The following DLG2 variants were observed in gnomAD, a reference collection of about 807,000 sequenced individuals.
DLG2 encodes the protein discs large MAGUK scaffold protein 2.
DLG2 carries 45 observed loss-of-function variants against 132.5 expected under a neutral mutation model. That is an observed-to-expected ratio of 0.34 (90% CI 0.27 to 0.44). DLG2 has a LOEUF of 0.44. Among genes scored for constraint, DLG2 ranks in the 20% least tolerant of loss-of-function variants. The pLI is 1.00. For synonymous variants in DLG2, 424 were observed against 419.6 expected (o/e 1.01, Z -0.13); for missense variants, 1,045 against 1,196.9 (o/e 0.87, Z 1.87).
At position 84,909,900 on chromosome 11, in the gene DLG2, C is replaced by T. The variant is rs577635960; in HGVS notation, c.357+201761G>A. Among the ~76,000 whole-genome samples, 3 of 152,324 alleles carry T rather than the reference C, an allele frequency of 2.0e-5. No homozygotes were observed. The East Asian group carries it at 5.8e-4, about 29-fold the overall frequency. Reference sequence around the variant, plus strand: ...TACCCAGCCAAATCCCTGCATCCTGCCTCTGGCCATTTTGGTTTTACAGGC... The same window carrying T: ...TACCCAGCCAAATCCCTGCATCCTGTCTCTGGCCATTTTGGTTTTACAGGC... On this transcript the variant is annotated intron_variant, in intron 6 of 27. Coordinates refer to ENST00000376104, the MANE Select transcript of DLG2 (RefSeq NM_001142699.3).
intron 3 of DLG2, among the ~76,000 whole-genome samples, chr11:85,400,062 A>C (rs2087890956): frequency 6.6e-6 from 1 of 151,788 alleles, no homozygotes; most frequent in South Asian, 2.1e-4. Flanking sequence ...CAGAATCTAC[A>C]AAGAACTCAA....
chr11:83,714,255 G>A (rs1432246555), intron 18 of DLG2, among the ~76,000 whole-genome samples: 2 of 150,640 alleles, frequency 1.3e-5, no homozygotes, highest in African/African-American at 4.8e-5. Context: ...AGGAAGAGGA[G>A]AAGAGAGTAA....
chr11:84,268,887 A>G (rs1269951125), intron 7 of DLG2, among the ~76,000 whole-genome samples: 1 of 152,220 alleles, frequency 6.6e-6, no homozygotes, highest in African/African-American at 2.4e-5. Context: ...CTCAGTAAAT[A>G]TTAACTATCA....
At chr11:85,175,422 AT>A (rs1356884296) in intron 4 of DLG2, among the ~76,000 whole-genome samples, 2 of 152,226 alleles carry the variant, frequency 1.3e-5, no homozygotes, top group Non-Finnish European at 2.9e-5. Flanking sequence ...ACATCCTTTT[AT>A]GTTAAAAACT....
intron 6 of DLG2, among the ~76,000 whole-genome samples, chr11:84,731,177 G>A (rs2063108104): frequency 6.6e-6 from 1 of 152,078 alleles, no homozygotes; most frequent in Non-Finnish European, 1.5e-5. Context: ...CATTGTATTT[G>A]CTTTAGTTAG....
intron 7 of DLG2, among the ~76,000 whole-genome samples, chr11:84,309,474 C>T (rs970663477): frequency 6.6e-6 from 1 of 152,182 alleles, no homozygotes; most frequent in Non-Finnish European, 1.5e-5. Context: ...ACCAATTCTG[C>T]CACAAACTGA....
At chr11:84,522,995 C>G (rs1286026093) in intron 7 of DLG2, among the ~76,000 whole-genome samples, 4 of 152,160 alleles carry the variant, frequency 2.6e-5, no homozygotes, top group Non-Finnish European at 5.9e-5. Flanking sequence ...ACATGACATT[C>G]ACTTTTGCAG....
chr11:84,191,230 T>TAA (rs920850682), intron 8 of DLG2, among the ~76,000 whole-genome samples: 1 of 152,164 alleles, frequency 6.6e-6, no homozygotes, highest in African/African-American at 2.4e-5. Flanking sequence ...TTTTAATGTA[T>TAA]AAAACATTTA....
intron 6 of DLG2, among the ~76,000 whole-genome samples, chr11:84,870,406 G>A (rs1253163667): frequency 6.6e-6 from 1 of 152,154 alleles, no homozygotes; most frequent in Non-Finnish European, 1.5e-5. Flanking sequence ...GTGACCTAGA[G>A]GAAGAAAAGA....
intron 3 of DLG2, among the ~76,000 whole-genome samples, chr11:85,372,605 G>A (rs1285215911): frequency 6.6e-6 from 1 of 152,210 alleles, no homozygotes; most frequent in Non-Finnish European, 1.5e-5. Context: ...TTTGTTTCAT[G>A]GATAAAAGCC....
At chr11:83,898,983 G>A (rs2072624810) in intron 15 of DLG2, among the ~76,000 whole-genome samples, 1 of 152,150 alleles carries the variant, frequency 6.6e-6, no homozygotes, top group Non-Finnish European at 1.5e-5. Flanking sequence ...TGTTCTGATA[G>A]GTGAGGATTA....
chr11:83,524,807 A>T (rs1363809867), intron 21 of DLG2, among the ~76,000 whole-genome samples: 1 of 152,078 alleles, frequency 6.6e-6, no homozygotes, highest in Admixed American at 6.6e-5. Flanking sequence ...CACTCTTTTC[A>T]TCTTTTTACA....
At chr11:84,772,770 C>T (rs2069654175) in intron 6 of DLG2, among the ~76,000 whole-genome samples, 1 of 151,876 alleles carries the variant, frequency 6.6e-6, no homozygotes, top group Non-Finnish European at 1.5e-5. Context: ...CACAACATAC[C>T]AAAATCTCTG....
chr11:84,189,305 T>C (rs1337212707), intron 8 of DLG2, among the ~76,000 whole-genome samples: 1 of 152,204 alleles, frequency 6.6e-6, no homozygotes, highest in Non-Finnish European at 1.5e-5. Context: ...AGAATGACTA[T>C]TATTAAAAAG....
chr11:85,614,882 A>G (rs1030821432), intron 2 of DLG2, among the ~76,000 whole-genome samples: 3 of 152,204 alleles, frequency 2.0e-5, no homozygotes, highest in Non-Finnish European at 4.4e-5. Flanking sequence ...TGGAACCACA[A>G]TGCAAATGCT....
At chr11:84,728,536 T>C (rs1005022033) in intron 6 of DLG2, among the ~76,000 whole-genome samples, 8 of 152,196 alleles carry the variant, frequency 5.3e-5, no homozygotes, top group African/African-American at 9.7e-5. Flanking sequence ...ATCAGGAATA[T>C]TGGCCTGATA....
At chr11:84,978,749 C>T (rs2055290559) in intron 6 of DLG2, among the ~76,000 whole-genome samples, 3 of 152,140 alleles carry the variant, frequency 2.0e-5, no homozygotes, top group Admixed American at 2.0e-4. Flanking sequence ...AGGACACAGG[C>T]ATGGGCAAGG....
At chr11:84,221,395 T>G (rs1011734509) in intron 8 of DLG2, among the ~76,000 whole-genome samples, 1 of 151,792 alleles carries the variant, frequency 6.6e-6, no homozygotes, top group Non-Finnish European at 1.5e-5. Flanking sequence ...ACCTAGGAGG[T>G]GGAGGCTGTG....
At chr11:84,057,242 T>C (rs1342761692) in intron 11 of DLG2, among the ~76,000 whole-genome samples, 2 of 152,216 alleles carry the variant, frequency 1.3e-5, no homozygotes, top group Non-Finnish European at 2.9e-5. Flanking sequence ...TAGTCATCTA[T>C]AGCCTTTAAG....
Sources: gnomAD v4.1 joint callset for allele counts (sites outside exome capture counted in the v4.1 genomes callset) on GRCh38, gnomAD v4.1.1 for gene constraint, MANE v1.5 for transcripts, NCBI Gene and HGNC (gene_info 2026-07-23, HGNC 2026-07-21) for gene names.